The following ASCC3 variants were observed in gnomAD, a reference collection of about 807,000 sequenced individuals.
ASCC3 encodes the protein ASC-1 complex subunit P200.
In ASCC3, 158 loss-of-function variants were observed where a neutral mutation model predicts 256.3. The ratio of observed to expected loss-of-function variants is 0.62; its 90% CI spans 0.54 to 0.70. The LOEUF (loss-of-function observed/expected upper bound fraction) is 0.70, where lower values mean the gene tolerates loss of function less well. Ranked by LOEUF, ASCC3 falls within the 30% of genes least tolerant of loss-of-function variation. The pLI, the probability that ASCC3 is intolerant of heterozygous loss-of-function variation, is 0.00. For synonymous variants in ASCC3, 948 were observed against 883.4 expected, an observed-to-expected ratio of 1.07 and a Z score of -1.30; for missense variants, 2,259 against 2,626.0, an observed-to-expected ratio of 0.86 and a Z score of 3.05.
chr6:100,816,543 G>A (rs1770756228), intron 4 of ASCC3, among the ~76,000 whole-genome samples: 1 of 152,134 alleles, frequency 6.6e-6, no homozygotes, highest in South Asian at 2.1e-4. Flanking sequence ...CAATGAAAAT[G>A]TGGTACATAT....
rs76423006 is a variant in ASCC3, at chr6:100,854,154, C to CT, written c.242-5448dup. ...TGATGCTACAAGAACAAGCCAGGTA[C>CT]TTTTTTTTTTTTTTTTGAGGGGGAG... On this transcript the variant is annotated intron_variant, in intron 3 of 41. Coordinates refer to ENST00000369162, the MANE Select transcript of ASCC3 (RefSeq NM_006828.4). 7.8e-3 allele frequency among the ~76,000 whole-genome samples: 1,057 copies of CT among 136,380 alleles called. 5 individuals are homozygous for CT. The highest frequency in any genetic ancestry group is 0.019 in the Middle Eastern group (5 of 264). The allele number at this position is 136,380 out of a possible 152,430, so 89.5% of individuals were successfully genotyped here.
intron 36 of ASCC3, among the ~76,000 whole-genome samples, chr6:100,588,131 T>C (rs1208561961): frequency 3.3e-5 from 5 of 152,114 alleles, no homozygotes; most frequent in Non-Finnish European, 5.9e-5. Context: ...TTGGACAAGA[T>C]GGTTAATCTT....
intron 24 of ASCC3, among the ~76,000 whole-genome samples, chr6:100,640,454 A>C (rs1462699866): frequency 6.6e-6 from 1 of 152,168 alleles, no homozygotes; most frequent in Non-Finnish European, 1.5e-5. Context: ...GTCAGAACTC[A>C]GCTAATTATA....
At chr6:100,674,465 C>A (rs1251724537) in intron 14 of ASCC3, among the ~76,000 whole-genome samples, 6 of 151,830 alleles carry the variant, frequency 4.0e-5, no homozygotes, top group Non-Finnish European at 7.4e-5. Context: ...CTGCTTTTTA[C>A]AATTCAATAT....
Position 100,644,147 on chromosome 6 carries a change from T to G in ASCC3, c.3634-18A>C. ...CCATGTACCTAGAAGAAAAATAGCA[T>G]CCTGCTACTATGCATATCATAACTC... is the stretch of plus-strand genomic sequence containing the variant. On this transcript the variant is annotated intron_variant, in intron 22 of 41. Transcript: ENST00000369162. 6.5e-7 allele frequency: 1 copy of G among 1,529,842 alleles called. No homozygotes were observed. Among genetic ancestry groups the G allele is most frequent in the Non-Finnish European group, 9.1e-7 (1 of 1,103,890 alleles). The allele number at this position is 1,529,842 out of a possible 1,614,324, so 94.8% of individuals were successfully genotyped here.
chr6:100,567,730 CT>C (rs918803839), intron 36 of ASCC3, among the ~76,000 whole-genome samples: 10 of 151,282 alleles, frequency 6.6e-5, no homozygotes, highest in East Asian at 3.9e-4. Context: ...GACATGATTT[CT>C]TTTTTTTTGT....
chr6:100,621,826 A>G (rs1773965879), intron 30 of ASCC3, among the ~76,000 whole-genome samples: 1 of 152,172 alleles, frequency 6.6e-6, no homozygotes, highest in Non-Finnish European at 1.5e-5. Context: ...TAGCAAAGAC[A>G]TGGAATCAAC....
At chr6:100,723,860 T>TTATATATATATATATATA (rs58924032) in intron 11 of ASCC3, among the ~76,000 whole-genome samples, 2 of 110,246 alleles carry the variant, frequency 1.8e-5, no homozygotes, top group African/African-American at 3.3e-5. Context: ...TATTAGGGAA[T>TTATATATATATATATATA]TATATATATA....
chr6:100,850,974 T>C (rs1418803413), intron 3 of ASCC3, among the ~76,000 whole-genome samples: 1 of 152,158 alleles, frequency 6.6e-6, no homozygotes, highest in Non-Finnish European at 1.5e-5. Context: ...TCTACCATTG[T>C]AAATACACAT....
intron 13 of ASCC3, among the ~76,000 whole-genome samples, chr6:100,687,032 T>TCACA (rs1305315395): frequency 4.6e-4 from 61 of 132,184 alleles, no homozygotes; most frequent in Non-Finnish European, 6.0e-4. Flanking sequence ...TCTCTCTCTC[T>TCACA]CTCACACACA....
rs1254305094 is a variant in ASCC3, at chr6:100,630,671, T to G, written c.4208+457A>C. ...AAAATAATACTGCAATGAATAACCT[T>G]GTAGTATATTAAATTATTAATGAAA... On this transcript the variant is annotated intron_variant, in intron 26 of 41. Transcript: ENST00000369162. Among the ~76,000 whole-genome samples the G allele has an allele frequency of 2.0e-5, 3 of 152,044 alleles. No individual in the cohort carries two copies. The East Asian group carries it at 5.8e-4, about 29-fold the overall frequency.
intron 13 of ASCC3, among the ~76,000 whole-genome samples, chr6:100,712,231 C>G (rs561334494): frequency 6.6e-6 from 1 of 151,974 alleles, no homozygotes; most frequent in East Asian, 1.9e-4. Context: ...TATACAACAC[C>G]AAAGACATAA....
intron 37 of ASCC3, among the ~76,000 whole-genome samples, chr6:100,529,025 T>C (rs1460526870): frequency 6.6e-6 from 1 of 152,098 alleles, no homozygotes; most frequent in Non-Finnish European, 1.5e-5. Context: ...AACCAGTAGG[T>C]GGACAAAGTT....
intron 4 of ASCC3, among the ~76,000 whole-genome samples, chr6:100,812,350 A>G (rs774828567): frequency 5.4e-4 from 82 of 152,190 alleles, no homozygotes; most frequent in Admixed American, 9.8e-4. Context: ...GAAGGTAACC[A>G]CATGTCAAAT....
chr6:100,856,711 A>C (rs1489230949), intron 3 of ASCC3: 1 of 152,160 alleles, frequency 6.6e-6, no homozygotes, highest in Non-Finnish European at 1.5e-5. Context: ...TTTCAGTTTC[A>C]TATTAATGGA....
chr6:100,750,480 A>G (rs1025741257), intron 10 of ASCC3, among the ~76,000 whole-genome samples: 4 of 151,992 alleles, frequency 2.6e-5, no homozygotes, highest in African/African-American at 9.7e-5. Context: ...CCAAGACAAT[A>G]TAGTTTTCCT....
At chr6:100,840,331 C>T (rs1235399584) in intron 4 of ASCC3, among the ~76,000 whole-genome samples, 1 of 151,766 alleles carries the variant, frequency 6.6e-6, no homozygotes, top group Non-Finnish European at 1.5e-5. Context: ...GCATAAGAGT[C>T]TTTTTGTTTT....
chr6:100,754,995 C>A (rs565612150), intron 10 of ASCC3, among the ~76,000 whole-genome samples: 1 of 152,028 alleles, frequency 6.6e-6, no homozygotes, highest in Non-Finnish European at 1.5e-5. Context: ...ACTGTCAGTC[C>A]CTTAAACCTC....
At chr6:100,850,551 G>A (rs1203719835) in intron 3 of ASCC3, among the ~76,000 whole-genome samples, 1 of 152,112 alleles carries the variant, frequency 6.6e-6, no homozygotes, top group African/African-American at 2.4e-5. Flanking sequence ...CACCAGATTA[G>A]TATTTTTATA....
Sources: allele counts gnomAD v4.1 joint callset (sites outside exome capture counted in the v4.1 genomes callset), GRCh38; gene constraint gnomAD v4.1.1; transcripts MANE v1.5; gene names NCBI Gene and HGNC (gene_info 2026-07-23, HGNC 2026-07-21).